Variants in MYO1E observed in about 807,000 individuals in gnomAD.
The protein encoded by MYO1E is myosin IE.
A neutral mutation model predicts 151.1 loss-of-function variants in MYO1E; 68 were observed. The ratio of observed to expected loss-of-function variants is 0.45; its 90% CI spans 0.37 to 0.55. MYO1E has a LOEUF of 0.55. Among genes scored for constraint, MYO1E ranks in the 20% least tolerant of loss-of-function variants. MYO1E has a pLI of 0.00. For missense variants in MYO1E, 1,363 were observed against 1,389.3 expected (o/e 0.98, Z 0.30); for synonymous variants, 601 against 501.7 (o/e 1.20, Z -2.64).
chr15:59,166,588 G>A (rs1013746770), intron 22 of MYO1E, among the ~76,000 whole-genome samples: 2 of 151,732 alleles, frequency 1.3e-5, no homozygotes, highest in Admixed American at 6.6e-5. Flanking sequence ...CAATTTCCAA[G>A]GATAGCCCTG....
At chr15:59,322,272 G>A (rs143779555) in intron 1 of MYO1E, among the ~76,000 whole-genome samples, 622 of 151,968 alleles carry the variant, frequency 4.1e-3, no homozygotes, top group African/African-American at 0.014. Flanking sequence ...TCAGCATCAC[G>A]CAATATACCC....
intron 1 of MYO1E, among the ~76,000 whole-genome samples, chr15:59,349,870 G>A (rs1426356994): frequency 1.3e-5 from 2 of 152,182 alleles, no homozygotes; most frequent in East Asian, 3.8e-4. Context: ...AGACTGGAGA[G>A]AAATGATATC....
rs754629545 is a variant in MYO1E at position 59,340,296 on chromosome 15, G to A, written c.3+32202C>T. On this transcript the variant is annotated intron_variant, in intron 1 of 27. Transcript: ENST00000288235. ...CTGAACTCCAGCCAGGATGACAAGC[G>A]ACACCTTGTCTCAAAAAAAATAGCA... 5.3e-5 allele frequency among the ~76,000 whole-genome samples: 8 copies of A among 151,936 alleles called. No homozygotes were observed. In the South Asian group the frequency reaches 8.3e-4, roughly 16 times the overall value.
At chr15:59,261,974 G>C (rs1321492139) in intron 2 of MYO1E, among the ~76,000 whole-genome samples, 9 of 152,162 alleles carry the variant, frequency 5.9e-5, no homozygotes, top group African/African-American at 2.2e-4. Flanking sequence ...GGCTGAGGTG[G>C]GGAGATCATT....
At position 59,151,058 on chromosome 15, in the gene MYO1E, C is replaced by CGG. The variant is rs1566964892; in HGVS notation, c.3080+2531_3080+2532insCC. 2.7e-5 allele frequency among the ~76,000 whole-genome samples: 4 copies of CGG among 145,850 alleles called. No homozygotes were observed. In the South Asian group the frequency reaches 8.5e-4, roughly 31 times the overall value. ...ACACACACACACACACACGCGCGCG[C>CGG]GCGCACGTGCACTTAGAGAGAGGTC... On this transcript the variant is annotated intron_variant, in intron 26 of 27. Transcript: ENST00000288235.
At chr15:59,251,237 T>A (rs889061576) in intron 4 of MYO1E, among the ~76,000 whole-genome samples, 1 of 152,208 alleles carries the variant, frequency 6.6e-6, no homozygotes, top group East Asian at 1.9e-4. Context: ...TGCACCTGCA[T>A]CTGATCAAGT....
intron 24 of MYO1E, 63 bp from the exon 25 acceptor site, chr15:59,158,442 T>G (rs1175956097): frequency 7.6e-7 from 1 of 1,312,366 alleles, no homozygotes; most frequent in Non-Finnish European, 1.1e-6. Flanking sequence ...TCCTCATGGT[T>G]CTTTGCATAT....
chr15:59,136,614 T>G lies in MYO1E; in HGVS notation c.*766A>C, dbSNP rs558005630. On this transcript the variant is annotated 3_prime_UTR_variant, in exon 28 of 28. Coordinates refer to ENST00000288235, the MANE Select transcript of MYO1E (RefSeq NM_004998.4). Reference sequence around the variant, plus strand: ...TTTCTACCATCTCAAGATTTTTATATATACAGTATATGATCTGTTTTTATA... The same window carrying G: ...TTTCTACCATCTCAAGATTTTTATAGATACAGTATATGATCTGTTTTTATA... The G allele has an allele frequency of 2.8e-5, 12 of 431,932 alleles. No individual in the cohort carries two copies. Among genetic ancestry groups the G allele is most frequent in the Non-Finnish European group, 5.2e-5 (11 of 212,840 alleles). The allele number at this position is 431,932 out of a possible 1,614,324, so 26.8% of individuals were successfully genotyped here.
At chr15:59,228,273 G>T (rs569983374) in intron 6 of MYO1E, among the ~76,000 whole-genome samples, 1 of 152,208 alleles carries the variant, frequency 6.6e-6, no homozygotes, top group Non-Finnish European at 1.5e-5. Context: ...CTGGAGGTCA[G>T]GAGTTCGCAA....
At chr15:59,291,009 C>CA in intron 1 of MYO1E, among the ~76,000 whole-genome samples, 1 of 152,314 alleles carries the variant, frequency 6.6e-6, no homozygotes, top group South Asian at 2.1e-4. Flanking sequence ...TACAAGACGG[C>CA]ATGCTCGATT....
At chr15:59,153,874 T>C (rs868507885) in intron 25 of MYO1E, 83 bp from the exon 26 acceptor site, 255 of 1,305,478 alleles carry the variant, frequency 2.0e-4, no homozygotes, top group Middle Eastern at 3.6e-4. Context: ...TTCCATGTAC[T>C]ACAAGGGCAG....
chr15:59,225,881 C>T (rs2079987863), intron 7 of MYO1E, among the ~76,000 whole-genome samples: 1 of 152,106 alleles, frequency 6.6e-6, no homozygotes, highest in Admixed American at 6.5e-5. Flanking sequence ...CTCCTGACCT[C>T]GTGATTCACC....
chr15:59,313,557 C>T (rs1260383826), intron 1 of MYO1E, among the ~76,000 whole-genome samples: 1 of 145,224 alleles, frequency 6.9e-6, no homozygotes, highest in Non-Finnish European at 1.5e-5. Context: ...GCATGTTCTC[C>T]TATCTCCTAT....
intron 26 of MYO1E, among the ~76,000 whole-genome samples, chr15:59,143,405 G>A (rs926149583): frequency 3.9e-5 from 6 of 152,164 alleles, no homozygotes; most frequent in Admixed American, 3.3e-4. Flanking sequence ...ATTAGGAAGG[G>A]CAACACTGAT....
In MYO1E at chr15:59,369,444, G is replaced by A. The variant is rs139078820; in HGVS notation, c.3+3054C>T. On this transcript the variant is annotated intron_variant, in intron 1 of 27. Coordinates refer to ENST00000288235, the MANE Select transcript of MYO1E (RefSeq NM_004998.4). ...AGCGGACCTACAGCCATGGGTTTCA[G>A]TCTATCAGAGAGTCCAAACTGGTCA... Among the ~76,000 whole-genome samples the A allele has an allele frequency of 9.5e-4, 144 of 152,300 alleles. 1 individual carries two copies. Among genetic ancestry groups the A allele is most frequent in the African/African-American group, 2.8e-3 (117 of 41,556 alleles).
rs372866209 is a variant in MYO1E, at chr15:59,271,615, C to T, written c.147+691G>A. Among the ~76,000 whole-genome samples, 3 of 152,116 alleles carry T rather than the reference C, an allele frequency of 2.0e-5. No homozygotes were observed. In the East Asian group the frequency reaches 5.8e-4, roughly 29 times the overall value. On this transcript the variant is annotated intron_variant, in intron 2 of 27. Transcript: ENST00000288235. ...TTTCCATTCTGCATTTTTTAAAGCC[C>T]CATAAAAAATGGCATCCGGCAAGCT...
intron 1 of MYO1E, among the ~76,000 whole-genome samples, chr15:59,356,485 G>A (rs969820330): frequency 6.6e-6 from 1 of 152,186 alleles, no homozygotes; most frequent in African/African-American, 2.4e-5. Flanking sequence ...CTTGTAGGCA[G>A]TTCTGCATCC....
At chr15:59,255,481 T>G (rs1234396966) in intron 4 of MYO1E, among the ~76,000 whole-genome samples, 1 of 152,016 alleles carries the variant, frequency 6.6e-6, no homozygotes, top group Non-Finnish European at 1.5e-5. Flanking sequence ...TGCAACCTCC[T>G]CATCCCAGGC....
At chr15:59,264,534 A>C (rs1218686261) in intron 2 of MYO1E, among the ~76,000 whole-genome samples, 1 of 152,254 alleles carries the variant, frequency 6.6e-6, no homozygotes, top group Non-Finnish European at 1.5e-5. Flanking sequence ...TATTTGGTAC[A>C]TACTTATAGT....
Sources: allele counts gnomAD v4.1 joint callset (sites outside exome capture counted in the v4.1 genomes callset), GRCh38; gene constraint gnomAD v4.1.1; transcripts MANE v1.5; gene names NCBI Gene and HGNC (gene_info 2026-07-23, HGNC 2026-07-21).